Variants in XXYLT1 observed in about 807,000 individuals in gnomAD.
XXYLT1 encodes the protein UDP-xylose:alpha-xyloside alpha-1,3-xylosyltransferase.
XXYLT1 carries 20 observed loss-of-function variants against 28.9 expected under a neutral mutation model. The ratio of observed to expected loss-of-function variants is 0.69; its 90% CI spans 0.49 to 1.00. XXYLT1 has a LOEUF of 1.00. Among genes scored for constraint, XXYLT1 ranks in the 50% least tolerant of loss-of-function variants. The pLI, the probability that XXYLT1 is intolerant of heterozygous loss-of-function variation, is 0.00. For missense variants in XXYLT1, 542 were observed against 560.1 expected (o/e 0.97, Z 0.33); for synonymous variants, 257 against 253.8 (o/e 1.01, Z -0.12).
rs1725467635 is a variant in XXYLT1 at position 195,256,087 on chromosome 3, G to A, written c.504+14468C>T. Among the ~76,000 whole-genome samples the A allele has an allele frequency of 6.6e-6, 1 of 152,196 alleles. No individual in the cohort carries two copies. Among genetic ancestry groups the A allele is most frequent in the Non-Finnish European group, 1.5e-5 (1 of 68,040 alleles). On this transcript the variant is annotated intron_variant, in intron 1 of 3. Transcript: ENST00000310380. This position sits in a 1 kb window ranked among gnomAD's most constrained non-coding sequence, Gnocchi z 4.2. Reference sequence around the variant, plus strand: ...TGGGAACCCTTCTGGTGGGGCCCCAGCTCTCACAGAGCATTCCTGGCTTTG... The same window carrying A: ...TGGGAACCCTTCTGGTGGGGCCCCAACTCTCACAGAGCATTCCTGGCTTTG...
rs989460534 is a variant in XXYLT1 at position 195,256,826 on chromosome 3, C to G, written c.504+13729G>C. 1.3e-5 allele frequency among the ~76,000 whole-genome samples: 2 copies of G among 152,192 alleles called. No individual in the cohort carries two copies. The highest frequency in any genetic ancestry group is 2.4e-5 in the African/African-American group (1 of 41,450). On this transcript the variant is annotated intron_variant, in intron 1 of 3. Transcript: ENST00000310380. This position sits in a 1 kb window ranked among gnomAD's most constrained non-coding sequence, Gnocchi z 4.2. ...CCACACTCCAGCTGAAGTGAGCGCC[C>G]AGGGGCAGGTGCAGGCTGAAGAGCT...
At position 195,222,189 on chromosome 3, in the gene XXYLT1, G is replaced by A. The variant is rs1018320633; in HGVS notation, c.652+4520C>T. On this transcript the variant is annotated intron_variant, in intron 2 of 3. Coordinates refer to ENST00000310380, the MANE Select transcript of XXYLT1 (RefSeq NM_152531.5). ...CAGGGCTGGGCATGTGTAAGAGGCT[G>A]GGTGTCCACATCTGGACATCAGAAT... 1.1e-4 allele frequency among the ~76,000 whole-genome samples: 17 copies of A among 152,210 alleles called. 1 individual carries two copies. The highest frequency in any genetic ancestry group is 5.9e-4 in the Admixed American group (9 of 15,288).
intron 2 of XXYLT1, among the ~76,000 whole-genome samples, chr3:195,185,085 A>AGAAAGAAAG (rs1434255998): frequency 6.9e-5 from 7 of 100,994 alleles, no homozygotes; most frequent in Non-Finnish European, 1.4e-4. Context: ...GAAAGAAGGA[A>AGAAAGAAAG]GAAGGAAGGA....
chr3:195,133,301 C>T lies in XXYLT1; in HGVS notation c.785+23148G>A, dbSNP rs749336607. Among the ~76,000 whole-genome samples, 1 of 152,102 alleles carries T rather than the reference C, an allele frequency of 6.6e-6. No homozygotes were observed. The highest frequency in any genetic ancestry group is 1.5e-5 in the Non-Finnish European group (1 of 68,030). The stretch of plus-strand genomic sequence containing the variant: ...CTGAATGGCCCTGGAGTACCAGCAG[C>T]TGACATCGGCAGGTGGATAACTGAG... On this transcript the variant is annotated intron_variant, in intron 3 of 3. Coordinates refer to ENST00000310380, the MANE Select transcript of XXYLT1 (RefSeq NM_152531.5). The surrounding 1 kb of genome is among the most constrained non-coding windows in gnomAD (Gnocchi z 4.4).
At chr3:195,072,741 G>C (rs527435547) in intron 3 of XXYLT1, among the ~76,000 whole-genome samples, 1 of 152,290 alleles carries the variant, frequency 6.6e-6, no homozygotes, top group Admixed American at 6.5e-5. Context: ...CACCCAAAGC[G>C]ATGTTCAGGG....
intron 2 of XXYLT1, chr3:195,183,556 T>G (rs1722047176): frequency 6.6e-6 from 1 of 152,264 alleles, no homozygotes; most frequent in Admixed American, 6.5e-5. Flanking sequence ...GGATTCAGGC[T>G]ACGATTGGTC....
intron 3 of XXYLT1, among the ~76,000 whole-genome samples, chr3:195,099,764 G>A (rs982597264): frequency 6.7e-6 from 1 of 149,082 alleles, no homozygotes; most frequent in African/African-American, 2.5e-5. Context: ...CTGGGAGGCG[G>A]AGCTTGCAGT....
chr3:195,107,474 CA>C (rs372671595), intron 3 of XXYLT1, among the ~76,000 whole-genome samples: 9,565 of 45,352 alleles, frequency 0.21, 1,222 homozygotes, highest in East Asian at 0.5. Context: ...AACTCCGTCT[CA>C]AAAAAAAAAA....
chr3:195,130,953 AAGGGTCTGCTT>A (rs1718874602), intron 3 of XXYLT1, among the ~76,000 whole-genome samples: 1 of 152,192 alleles, frequency 6.6e-6, no homozygotes, highest in African/African-American at 2.4e-5. Context: ...CAGGATCCCC[AAGGGTCTGCTT>A]AGCCTGAGAC....
chr3:195,120,891 T>A (rs1718321171), intron 3 of XXYLT1, among the ~76,000 whole-genome samples: 1 of 152,148 alleles, frequency 6.6e-6, no homozygotes, highest in Non-Finnish European at 1.5e-5. Context: ...TCCCAGACAG[T>A]CAGGGTTCCT....
chr3:195,131,128 G>A (rs1409707438), intron 3 of XXYLT1, among the ~76,000 whole-genome samples: 3 of 152,120 alleles, frequency 2.0e-5, no homozygotes, highest in Non-Finnish European at 4.4e-5. Context: ...TCCATTGGCC[G>A]GTTCCTTCCC....
At chr3:195,242,529 G>A (rs1724822957) in intron 1 of XXYLT1, among the ~76,000 whole-genome samples, 1 of 152,044 alleles carries the variant, frequency 6.6e-6, no homozygotes, top group Non-Finnish European at 1.5e-5. Flanking sequence ...AAGTTTAATA[G>A]GCAAGAAAGA....
chr3:195,212,610 T>C (rs114935804), intron 2 of XXYLT1, among the ~76,000 whole-genome samples: 2,028 of 152,260 alleles, frequency 0.013, 19 homozygotes, highest in Non-Finnish European at 0.022. Context: ...ATCAGCAGCA[T>C]CAGATTCTCA....
intron 2 of XXYLT1, among the ~76,000 whole-genome samples, chr3:195,185,439 G>A (rs1329617576): frequency 6.6e-6 from 1 of 151,654 alleles, no homozygotes; most frequent in Non-Finnish European, 1.5e-5. Context: ...CAGAAAATAG[G>A]CCACTAGTAT....
intron 3 of XXYLT1, among the ~76,000 whole-genome samples, chr3:195,145,316 C>T (rs1719777855): frequency 6.6e-6 from 1 of 151,564 alleles, no homozygotes; most frequent in South Asian, 2.1e-4. Context: ...ATTGATGGGG[C>T]CCTGCGAGCA....
chr3:195,113,597 T>C (rs1717893839), intron 3 of XXYLT1, among the ~76,000 whole-genome samples: 1 of 152,172 alleles, frequency 6.6e-6, no homozygotes, highest in African/African-American at 2.4e-5. Context: ...TAGAATCCTT[T>C]TTCTCTTTAA....
At chr3:195,248,699 C>A (rs1725133581) in intron 1 of XXYLT1, among the ~76,000 whole-genome samples, 2 of 152,202 alleles carry the variant, frequency 1.3e-5, no homozygotes, top group African/African-American at 4.8e-5. Flanking sequence ...GGGTGGATAA[C>A]CTGCAGTCAG....
At chr3:195,120,693 C>T (rs973753590) in intron 3 of XXYLT1, among the ~76,000 whole-genome samples, 1 of 152,214 alleles carries the variant, frequency 6.6e-6, no homozygotes, top group Admixed American at 6.5e-5. Flanking sequence ...GAGAGTGAAA[C>T]CCATTTCATT....
chr3:195,229,596 TTAAC>T (rs1254738971), intron 1 of XXYLT1, among the ~76,000 whole-genome samples: 8 of 152,186 alleles, frequency 5.3e-5, no homozygotes, highest in Admixed American at 5.2e-4. Context: ...CTCCACGAGT[TTAAC>T]TGTTTTAATT....
Sources: allele counts gnomAD v4.1 joint callset (sites outside exome capture counted in the v4.1 genomes callset), GRCh38; gene constraint gnomAD v4.1.1; non-coding constraint Gnocchi (gnomAD v3.1); transcripts MANE v1.5; gene names NCBI Gene and HGNC (gene_info 2026-07-23, HGNC 2026-07-21).